Variants in PPHLN1 observed in about 807,000 individuals in gnomAD.
The protein encoded by PPHLN1 is periphilin-1.
A neutral mutation model predicts 51.3 loss-of-function variants in PPHLN1; 29 were observed. The observed-to-expected ratio is 0.57, with a 90% CI of 0.42 to 0.77. The LOEUF (loss-of-function observed/expected upper bound fraction) is 0.77. Among genes scored for constraint, PPHLN1 ranks in the 30% least tolerant of loss-of-function variants. The probability of loss-of-function intolerance (pLI) is 0.00; values close to 1 mark genes in which losing one functional copy is unlikely to be tolerated. For synonymous variants in PPHLN1, 147 were observed against 147.8 expected, an observed-to-expected ratio of 0.99 and a Z score of 0.04; for missense variants, 436 against 438.4, an observed-to-expected ratio of 0.99 and a Z score of 0.05.
chr12:42,335,221 C>G lies in PPHLN1; in HGVS notation c.-20-662C>G, dbSNP rs181321602. On this transcript the variant is annotated intron_variant, in intron 1 of 9. Coordinates refer to ENST00000358314, the MANE Select transcript of PPHLN1 (RefSeq NM_201439.2). ...GAAAAGAATACACCGTCCCACCCCC[C>G]CCTTCTCTGAATCCCAAACCTGAAA... is the stretch of plus-strand genomic sequence containing the variant. Among the ~76,000 whole-genome samples, 23 of 152,124 alleles carry G rather than the reference C, an allele frequency of 1.5e-4. No individual in the cohort carries two copies. In the East Asian group the frequency reaches 2.3e-3, roughly 15 times the overall value.
At position 42,351,965 on chromosome 12, in the gene PPHLN1, A is replaced by C; in HGVS notation, c.153A>C (p.Arg51Ser). ...LDRPGEGSYNRYYSHVDYRDY... is the reference protein window; with the variant it reads ...LDRPGEGSYNSYYSHVDYRDY... ...GACCTGGTGAAGGAAGCTACAATAG[A>C]TATTACAGTCATGTTGATTACCGAG... Residue 51 changes from arginine to serine, a missense_variant, in exon 3 of 10, where the codon AGA (arginine) becomes AGC (serine). Coordinates refer to ENST00000358314, the MANE Select transcript of PPHLN1 (RefSeq NM_201439.2). 1.3e-6 allele frequency: 2 copies of C among 1,582,902 alleles called. No homozygotes were observed. The highest frequency in any genetic ancestry group is 1.7e-6 in the Non-Finnish European group (2 of 1,169,242).
downstream of PPHLN1, chr12:42,446,188 A>G (rs760312078): frequency 2.5e-6 from 4 of 1,611,686 alleles, no homozygotes; most frequent in East Asian, 6.7e-5. Context: ...TGAAGAAGAC[A>G]ACTCAGGAGG....
chr12:42,441,409 G>A lies in PPHLN1; in HGVS notation c.1004G>A (p.Arg335Lys). The change falls in exon 10 of 10, where the codon AGG (arginine) becomes AAG (lysine). Residue 335 changes from arginine (R) to lysine (K), a missense_variant. Transcript: ENST00000358314. ...GAAAAGTCTATACAGTTTGCATTGA[G>A]GCAGAATTTACATGAAATAGGTGAG... ...SLEKSIQFAL[R>K]QNLHEIGERC... 1 of 1,614,010 alleles carries A rather than the reference G, an allele frequency of 6.2e-7. No homozygotes were observed. Among genetic ancestry groups the A allele is most frequent in the Non-Finnish European group, 8.5e-7 (1 of 1,179,996 alleles).
intron 9 of PPHLN1, among the ~76,000 whole-genome samples, chr12:42,403,598 C>T (rs1209399163): frequency 2.0e-5 from 3 of 152,090 alleles, no homozygotes; most frequent in Non-Finnish European, 4.4e-5. Flanking sequence ...AAGTGGGAAG[C>T]TTGATGAATC....
chr12:42,349,511 T>A (rs576185669), intron 2 of PPHLN1, among the ~76,000 whole-genome samples: 4,238 of 152,130 alleles, frequency 0.028, 214 homozygotes, highest in African/African-American at 0.097. Context: ...CAGATAAACA[T>A]GTGAACAAAG....
chr12:42,368,844 A>G (rs1017552430), intron 4 of PPHLN1, among the ~76,000 whole-genome samples: 1 of 152,206 alleles, frequency 6.6e-6, no homozygotes, highest in South Asian at 2.1e-4. Context: ...CAAAAATTTT[A>G]AGATATTGGT....
chr12:42,342,889 C>T (rs1389972742), intron 2 of PPHLN1, among the ~76,000 whole-genome samples: 1 of 152,166 alleles, frequency 6.6e-6, no homozygotes, highest in African/African-American at 2.4e-5. Context: ...ACAATATTTA[C>T]TTCCTTAGAT....
At chr12:42,448,569 T>C (rs1023894997), downstream of PPHLN1, 1 of 152,212 alleles carries the variant, frequency 6.6e-6, no homozygotes, top group Admixed American at 6.5e-5. Flanking sequence ...ATGTAGATAT[T>C]GTAAAGCTTT....
At chr12:42,426,273 A>G (rs1294279736) in intron 9 of PPHLN1, among the ~76,000 whole-genome samples, 1 of 150,100 alleles carries the variant, frequency 6.7e-6, no homozygotes, top group Admixed American at 6.7e-5. Flanking sequence ...TAATCAGATG[A>G]CCTGCCTTCC....
chr12:42,410,219 A>G (rs543664630), intron 9 of PPHLN1, among the ~76,000 whole-genome samples: 105 of 152,082 alleles, frequency 6.9e-4, no homozygotes, highest in Non-Finnish European at 9.4e-4. Flanking sequence ...GTGATTGTCA[A>G]AACTGTAAGG....
chr12:42,426,172 C>CCACACA (rs71084653), intron 9 of PPHLN1, among the ~76,000 whole-genome samples: 5,835 of 121,902 alleles, frequency 0.048, 204 homozygotes, highest in African/African-American at 0.062. Context: ...AGACTTGACA[C>CCACACA]CACACACACA....
At chr12:42,367,628 T>C (rs1431273264) in intron 4 of PPHLN1, among the ~76,000 whole-genome samples, 1 of 152,228 alleles carries the variant, frequency 6.6e-6, no homozygotes, top group Non-Finnish European at 1.5e-5. Context: ...TTTTCGTCTA[T>C]CTTCCATTGA....
intron 9 of PPHLN1, among the ~76,000 whole-genome samples, chr12:42,431,023 A>G (rs1489784058): frequency 6.6e-6 from 1 of 152,242 alleles, no homozygotes; most frequent in East Asian, 1.9e-4. Context: ...TGTTTTAACT[A>G]AAGCTATGTT....
chr12:42,442,400 A>G (rs531113562), downstream of PPHLN1, among the ~76,000 whole-genome samples: 1 of 152,212 alleles, frequency 6.6e-6, no homozygotes, highest in Non-Finnish European at 1.5e-5. Context: ...TATGTCCTCC[A>G]GAAACCAACC....
intron 9 of PPHLN1, 159 bp downstream of exon 9, chr12:42,399,153 A>G: frequency 7.1e-7 from 1 of 1,409,984 alleles, no homozygotes; most frequent in Non-Finnish European, 9.2e-7. Context: ...CTTCACAGTC[A>G]GTTTGATCAG....
intron 9 of PPHLN1, among the ~76,000 whole-genome samples, chr12:42,413,516 ATATATG>A (rs1483272781): frequency 1.5e-4 from 21 of 142,618 alleles, no homozygotes; most frequent in African/African-American, 5.5e-4. Context: ...TGATAACTAT[ATATATG>A]TATATGTGTG....
At chr12:42,381,858 G>C (rs1312624025) in intron 5 of PPHLN1, among the ~76,000 whole-genome samples, 1 of 152,144 alleles carries the variant, frequency 6.6e-6, no homozygotes, top group Non-Finnish European at 1.5e-5. Flanking sequence ...TGAAAGTACT[G>C]TCTGTGTTGG....
intron 2 of PPHLN1, among the ~76,000 whole-genome samples, chr12:42,350,015 G>GC (rs1162082485): frequency 3.3e-5 from 5 of 150,962 alleles, no homozygotes; most frequent in Middle Eastern, 3.6e-3. Context: ...CCCCCAGAGG[G>GC]GGTGGCCGGG....
rs796337600 is a variant in PPHLN1 at position 42,362,226 on chromosome 12, T to TA, written c.299+7006dup. Among the ~76,000 whole-genome samples the TA allele has an allele frequency of 3.7e-4, 57 of 152,330 alleles. 2 individuals carry two copies. Among genetic ancestry groups the TA allele is most frequent in the African/African-American group, 1.4e-3 (57 of 41,562 alleles). On this transcript the variant is annotated intron_variant, in intron 4 of 9. Transcript: ENST00000358314. The stretch of plus-strand genomic sequence containing the variant: ...CTGTTTTGAGTTTTTTGATTTTTTT[T>TA]AACTGGGTTTTTTGTCTTTCTGTTG...
Sources: gnomAD v4.1 joint callset for allele counts (sites outside exome capture counted in the v4.1 genomes callset) on GRCh38, gnomAD v4.1.1 for gene constraint, MANE v1.5 for transcripts, NCBI Gene and HGNC (gene_info 2026-07-23, HGNC 2026-07-21) for gene names.